Variants in CACNA2D3 observed in about 807,000 individuals in gnomAD.
CACNA2D3 encodes the protein calcium voltage-gated channel auxiliary subunit alpha2delta 3, also known as voltage-dependent calcium channel subunit alpha-2/delta-3.
CACNA2D3 carries 60 observed loss-of-function variants against 160.6 expected under a neutral mutation model. The ratio of observed to expected loss-of-function variants is 0.37; its 90% CI spans 0.30 to 0.46. The LOEUF (loss-of-function observed/expected upper bound fraction) is 0.46. Ranked by LOEUF, CACNA2D3 falls within the 20% of genes least tolerant of loss-of-function variation. CACNA2D3 has a pLI of 1.00. For synonymous variants in CACNA2D3, 558 were observed against 492.9 expected (o/e 1.13, Z -1.75); for missense variants, 1,205 against 1,365.0 (o/e 0.88, Z 1.85).
In CACNA2D3 at chr3:54,304,764, A is replaced by G. The variant is rs147264982; in HGVS notation, c.205-15678A>G. On this transcript the variant is annotated intron_variant, in intron 2 of 37. Transcript: ENST00000474759. Reference sequence around the variant, plus strand: ...ATTTGAATCACATCCTTACTTTTCTATTTTTCTCCATTTTAGGTTTTATGT... The same window carrying G: ...ATTTGAATCACATCCTTACTTTTCTGTTTTTCTCCATTTTAGGTTTTATGT... Among the ~76,000 whole-genome samples, 325 of 152,092 alleles carry G rather than the reference A, an allele frequency of 2.1e-3. 4 individuals are homozygous for G. Among genetic ancestry groups the G allele is most frequent in the African/African-American group, 7.1e-3 (296 of 41,492 alleles).
At chr3:54,765,554 T>C (rs1206401186) in intron 13 of CACNA2D3, among the ~76,000 whole-genome samples, 1 of 152,206 alleles carries the variant, frequency 6.6e-6, no homozygotes, top group Non-Finnish European at 1.5e-5. Context: ...GCCATGGTGA[T>C]AACTTCATCT....
chr3:54,472,940 G>A (rs1051104741), intron 4 of CACNA2D3, among the ~76,000 whole-genome samples: 1 of 152,170 alleles, frequency 6.6e-6, no homozygotes, highest in Non-Finnish European at 1.5e-5. Flanking sequence ...TCAGTATCGT[G>A]AAAACGGCCA....
intron 2 of CACNA2D3, among the ~76,000 whole-genome samples, chr3:54,298,208 G>A (rs1703383274): frequency 6.6e-6 from 1 of 152,114 alleles, no homozygotes; most frequent in Admixed American, 6.5e-5. Flanking sequence ...GGGAGAGTGA[G>A]GGCAAATAGA....
chr3:54,458,287 A>G (rs1455134948), intron 4 of CACNA2D3, among the ~76,000 whole-genome samples: 2 of 151,998 alleles, frequency 1.3e-5, no homozygotes, highest in African/African-American at 2.4e-5. Context: ...TGTTTTCATT[A>G]TGATAGTTAT....
At chr3:54,687,137 T>TTG (rs1365555900) in intron 11 of CACNA2D3, among the ~76,000 whole-genome samples, 1 of 67,932 alleles carries the variant, frequency 1.5e-5, no homozygotes, top group East Asian at 2.3e-4. Flanking sequence ...TTTTTTTTGT[T>TTG]TTTTTTTTTT....
At chr3:54,865,232 C>T (rs565800668) in intron 17 of CACNA2D3, among the ~76,000 whole-genome samples, 36 of 152,234 alleles carry the variant, frequency 2.4e-4, no homozygotes, top group Admixed American at 7.2e-4. Flanking sequence ...TGGCAGGTGC[C>T]GACGCCGGTG....
intron 2 of CACNA2D3, among the ~76,000 whole-genome samples, chr3:54,260,753 T>G (rs976969155): frequency 1.3e-5 from 2 of 152,014 alleles, no homozygotes; most frequent in African/African-American, 4.8e-5. Flanking sequence ...CCCTTTCAGC[T>G]CAGGAGTTTG....
intron 31 of CACNA2D3, among the ~76,000 whole-genome samples, chr3:54,989,157 G>T (rs555482470): frequency 1.3e-5 from 2 of 152,330 alleles, no homozygotes; most frequent in South Asian, 4.1e-4. Flanking sequence ...TTGGTGGGGG[G>T]AGGAGACAAA....
chr3:54,974,218 A>C (rs1397837865), intron 29 of CACNA2D3, among the ~76,000 whole-genome samples: 1 of 152,212 alleles, frequency 6.6e-6, no homozygotes, highest in Non-Finnish European at 1.5e-5. Context: ...ATAGGTGACC[A>C]ATAAACATTT....
intron 35 of CACNA2D3, among the ~76,000 whole-genome samples, chr3:55,039,550 T>C (rs1371389654): frequency 6.6e-6 from 1 of 152,230 alleles, no homozygotes; most frequent in East Asian, 1.9e-4. Flanking sequence ...ATAACAACTT[T>C]CTCGTCTTTG....
At chr3:54,452,363 C>T (rs1035344134) in intron 4 of CACNA2D3, among the ~76,000 whole-genome samples, 2 of 152,186 alleles carry the variant, frequency 1.3e-5, no homozygotes, top group East Asian at 1.9e-4. Context: ...CAGTTATCTC[C>T]ACCTGGCTCT....
intron 13 of CACNA2D3, among the ~76,000 whole-genome samples, chr3:54,807,179 G>A (rs891336303): frequency 2.0e-5 from 3 of 152,180 alleles, no homozygotes; most frequent in Non-Finnish European, 4.4e-5. Flanking sequence ...AAAAGCAATG[G>A]CAACAAAAGA....
intron 27 of CACNA2D3, among the ~76,000 whole-genome samples, chr3:54,932,569 G>A (rs1701215732): frequency 6.6e-6 from 1 of 152,184 alleles, no homozygotes; most frequent in Non-Finnish European, 1.5e-5. Flanking sequence ...CTAGTGACTG[G>A]CTGAGTTATC....
chr3:54,534,790 G>C (rs1200660342), intron 5 of CACNA2D3, among the ~76,000 whole-genome samples: 1 of 151,952 alleles, frequency 6.6e-6, no homozygotes, highest in Non-Finnish European at 1.5e-5. Flanking sequence ...AGCCAGGCAT[G>C]GTGGTACATG....
intron 13 of CACNA2D3, among the ~76,000 whole-genome samples, chr3:54,805,255 A>T (rs1703091539): frequency 6.6e-6 from 1 of 152,238 alleles, no homozygotes; most frequent in Non-Finnish European, 1.5e-5. Flanking sequence ...AAATTAATGA[A>T]TCCAGGAGCT....
At chr3:54,216,932 AAAG>A (rs1208807697) in intron 2 of CACNA2D3, among the ~76,000 whole-genome samples, 4 of 152,154 alleles carry the variant, frequency 2.6e-5, no homozygotes, top group Admixed American at 2.6e-4. Flanking sequence ...GGGGGGAGAT[AAAG>A]AAGAACTAAG....
intron 9 of CACNA2D3, among the ~76,000 whole-genome samples, chr3:54,595,313 G>GGTGTGTGTGTGGGT (rs1702931977): frequency 7.6e-6 from 1 of 132,204 alleles, no homozygotes; most frequent in African/African-American, 3.3e-5. Flanking sequence ...CTGTGTGTGT[G>GGTGTGTGTGTGGGT]GTGTGTGTGT....
At chr3:54,699,884 T>A (rs1575429374) in intron 11 of CACNA2D3, among the ~76,000 whole-genome samples, 2 of 152,146 alleles carry the variant, frequency 1.3e-5, no homozygotes, top group African/African-American at 4.8e-5. Context: ...TACTGGACAG[T>A]TTATATTCTT....
intron 2 of CACNA2D3, among the ~76,000 whole-genome samples, chr3:54,154,141 C>T (rs1700198942): frequency 6.6e-6 from 1 of 152,182 alleles, no homozygotes; most frequent in South Asian, 2.1e-4. Context: ...TTTTAACGCT[C>T]TTTTACATCC....
Sources: allele counts gnomAD v4.1 joint callset (sites outside exome capture counted in the v4.1 genomes callset), GRCh38; gene constraint gnomAD v4.1.1; transcripts MANE v1.5; gene names NCBI Gene and HGNC (gene_info 2026-07-23, HGNC 2026-07-21).